Variants in TMEFF2 observed in about 807,000 individuals in gnomAD.
TMEFF2 encodes the protein tomoregulin-2.
A neutral mutation model predicts 53.8 loss-of-function variants in TMEFF2; 28 were observed. That is an observed-to-expected ratio of 0.52 (90% confidence interval 0.39 to 0.71). The LOEUF (loss-of-function observed/expected upper bound fraction) is 0.71. Ranked by LOEUF, TMEFF2 falls within the 30% of genes least tolerant of loss-of-function variation. TMEFF2 has a pLI of 0.00. For synonymous variants in TMEFF2, 162 were observed against 166.3 expected, an observed-to-expected ratio of 0.97 and a Z score of 0.20; for missense variants, 353 against 455.2, an observed-to-expected ratio of 0.78 and a Z score of 2.04.
chr2:192,152,812 G>GT (rs1690419465), intron 4 of TMEFF2, among the ~76,000 whole-genome samples: 2 of 151,858 alleles, frequency 1.3e-5, no homozygotes. Context: ...ATTTTAACAG[G>GT]TTGATGAAGG....
chr2:191,973,887 T>C (rs1293560279), intron 7 of TMEFF2, among the ~76,000 whole-genome samples: 2 of 152,182 alleles, frequency 1.3e-5, no homozygotes, highest in Non-Finnish European at 2.9e-5. Context: ...CTCCTTGCTG[T>C]CACCATGTGA....
intron 5 of TMEFF2, among the ~76,000 whole-genome samples, chr2:192,001,363 TTTA>T (rs1686354136): frequency 6.6e-6 from 1 of 151,972 alleles, no homozygotes; most frequent in Admixed American, 6.6e-5. Flanking sequence ...ATTTTACATT[TTTA>T]TTAATATTTA....
At chr2:192,147,322 T>A (rs1690276306) in intron 4 of TMEFF2, among the ~76,000 whole-genome samples, 1 of 150,134 alleles carries the variant, frequency 6.7e-6, no homozygotes, top group African/African-American at 2.4e-5. Flanking sequence ...TCTTCCTTTA[T>A]GTTTTATTTT....
At chr2:192,120,730 A>G (rs1689530480) in intron 4 of TMEFF2, among the ~76,000 whole-genome samples, 1 of 151,716 alleles carries the variant, frequency 6.6e-6, no homozygotes, top group Non-Finnish European at 1.5e-5. Flanking sequence ...TCATAAATTT[A>G]TTGAATAAAC....
intron 4 of TMEFF2, among the ~76,000 whole-genome samples, chr2:192,163,845 C>T (rs1690690091): frequency 6.6e-6 from 1 of 152,130 alleles, no homozygotes; most frequent in African/African-American, 2.4e-5. Flanking sequence ...TCTTTTTCTT[C>T]CCTTTTCCAT....
intron 7 of TMEFF2, among the ~76,000 whole-genome samples, chr2:191,982,571 A>G (rs922653029): frequency 1.3e-5 from 2 of 152,066 alleles, no homozygotes; most frequent in Admixed American, 6.6e-5. Flanking sequence ...ATTAGATGTA[A>G]AATACAAATG....
At chr2:192,148,886 A>G (rs1032558965) in intron 4 of TMEFF2, among the ~76,000 whole-genome samples, 3 of 152,062 alleles carry the variant, frequency 2.0e-5, no homozygotes, top group South Asian at 4.1e-4. Flanking sequence ...AAAAGAAGAC[A>G]AATTCTAAAG....
At chr2:192,103,677 C>T (rs13407003) in intron 4 of TMEFF2, among the ~76,000 whole-genome samples, 1,611 of 151,890 alleles carry the variant, frequency 0.011, 35 homozygotes, top group African/African-American at 0.037. Flanking sequence ...CTATATGAAC[C>T]GTAAATTAAG....
chr2:192,014,008 T>C (rs10172324), intron 5 of TMEFF2, among the ~76,000 whole-genome samples: 8,654 of 152,280 alleles, frequency 0.057, 846 homozygotes, highest in African/African-American at 0.2. Flanking sequence ...TCAATGCATA[T>C]TGTTTTGCTC....
At chr2:192,186,371 G>A (rs1361180364) in intron 2 of TMEFF2, among the ~76,000 whole-genome samples, 4 of 152,190 alleles carry the variant, frequency 2.6e-5, no homozygotes, top group Non-Finnish European at 5.9e-5. Context: ...TGAGTAGTAC[G>A]GAAGAGACCA....
rs1437561608 is a variant in TMEFF2, at chr2:191,949,718, G to A, written c.*593C>T. ...TCTTTTATTTAGTTTATATGCCAGA[G>A]ATTTTTCTGCTCTAGGGATGAAAAT... On this transcript the variant is annotated 3_prime_UTR_variant, in exon 10 of 10. Coordinates refer to ENST00000272771, the MANE Select transcript of TMEFF2 (RefSeq NM_016192.4). The A allele has an allele frequency of 3.0e-6, 3 of 985,250 alleles. No individual in the cohort carries two copies. The Admixed American group carries it at 1.8e-4, about 61-fold the overall frequency. 61.0% of individuals were successfully genotyped at this position (985,250 alleles called of 1,614,324 possible). A position where few individuals can be genotyped will look rare whatever the true frequency, so the allele number is the denominator to read the frequency against.
chr2:192,164,950 C>T (rs1690723716), intron 4 of TMEFF2, among the ~76,000 whole-genome samples: 1 of 146,126 alleles, frequency 6.8e-6, no homozygotes, highest in African/African-American at 2.5e-5. Context: ...TTAATACATA[C>T]TAGCAGAATG....
intron 7 of TMEFF2, among the ~76,000 whole-genome samples, chr2:191,989,775 T>C (rs6434522): frequency 0.99 from 150,347 of 152,166 alleles, 74,305 homozygotes; most frequent in Middle Eastern, 1. Flanking sequence ...TCTTGGCCCT[T>C]GATTAAGCCC....
chr2:192,186,370 C>G (rs573574294), intron 2 of TMEFF2, among the ~76,000 whole-genome samples: 1 of 152,112 alleles, frequency 6.6e-6, no homozygotes, highest in Non-Finnish European at 1.5e-5. Context: ...ATGAGTAGTA[C>G]GGAAGAGACC....
chr2:192,009,463 C>T (rs1686575923), intron 5 of TMEFF2, among the ~76,000 whole-genome samples: 1 of 152,084 alleles, frequency 6.6e-6, no homozygotes, highest in South Asian at 2.1e-4. Flanking sequence ...AAAGATTATA[C>T]TGCTATAATT....
Position 191,949,564 on chromosome 2 carries a change from G to C in TMEFF2, c.*747C>G. On this transcript the variant is annotated 3_prime_UTR_variant, in exon 10 of 10. Transcript: ENST00000272771. Reference sequence around the variant, plus strand: ...TATTTTGCCACTCTGTGTATACCTAGTATGTAACTTGTTCAGTAAGTTCAG... The same window carrying C: ...TATTTTGCCACTCTGTGTATACCTACTATGTAACTTGTTCAGTAAGTTCAG... 1.0e-6 allele frequency: 1 copy of C among 985,362 alleles called. No individual in the cohort carries two copies. Among genetic ancestry groups the C allele is most frequent in the Middle Eastern group, 5.2e-4 (1 of 1,914 alleles). 61.0% of individuals were successfully genotyped at this position (985,362 alleles called of 1,614,324 possible).
chr2:192,013,850 A>G (rs1380972584), intron 5 of TMEFF2, among the ~76,000 whole-genome samples: 6 of 152,210 alleles, frequency 3.9e-5, no homozygotes, highest in Non-Finnish European at 5.9e-5. Context: ...ACTCTTCACA[A>G]CTAGAACAAT....
intron 4 of TMEFF2, among the ~76,000 whole-genome samples, chr2:192,089,642 C>T (rs1020750321): frequency 6.6e-6 from 1 of 152,120 alleles, no homozygotes. Flanking sequence ...TAGACTGAAC[C>T]TGCATGTAGC....
intron 3 of TMEFF2, among the ~76,000 whole-genome samples, chr2:192,181,307 T>G (rs1203875395): frequency 6.6e-6 from 1 of 151,744 alleles, no homozygotes; most frequent in Admixed American, 6.6e-5. Flanking sequence ...CAGGGCTAAA[T>G]AACAGACTGT....
Sources: allele counts gnomAD v4.1 joint callset (sites outside exome capture counted in the v4.1 genomes callset), GRCh38; gene constraint gnomAD v4.1.1; transcripts MANE v1.5; gene names NCBI Gene and HGNC (gene_info 2026-07-23, HGNC 2026-07-21).